The following CYB5R2 variants were observed in gnomAD, a reference collection of about 807,000 sequenced individuals.
CYB5R2 encodes cytochrome b5 reductase 2, also known as NADH-cytochrome b5 reductase 2.
CYB5R2 carries 35 observed loss-of-function variants against 29.8 expected under a neutral mutation model. The observed-to-expected ratio is 1.17, with a 90% CI of 0.90 to 1.56. The LOEUF (loss-of-function observed/expected upper bound fraction) is 1.56, where lower values mean the gene tolerates loss of function less well. Ranked by LOEUF, CYB5R2 falls within the 40% of genes most tolerant of loss-of-function variation. The pLI is 0.00. For synonymous variants in CYB5R2, 169 were observed against 130.6 expected (o/e 1.29, Z -2.01); for missense variants, 419 against 346.7 (o/e 1.21, Z -1.66).
In CYB5R2 at chr11:7,672,951, C is replaced by G; in HGVS notation, c.-66-60G>C. 3 of 1,524,710 alleles carry G rather than the reference C, an allele frequency of 2.0e-6. No individual in the cohort carries two copies. In the East Asian group the frequency reaches 7.3e-5, roughly 37 times the overall value. The allele number at this position is 1,524,710 out of a possible 1,614,324, so 94.4% of individuals were successfully genotyped here. ...CTTGCCCGCCCTGGACAGGGCAGCT[C>G]TCAGGCGCAGAACACCCTCCCCACA... On this transcript the variant is annotated intron_variant, in intron 1 of 8. Coordinates refer to ENST00000299498, the MANE Select transcript of CYB5R2 (RefSeq NM_016229.5).
At position 7,669,805 on chromosome 11, in the gene CYB5R2, T is replaced by G; in HGVS notation, c.152-74A>C. 7 of 1,095,536 alleles carry G rather than the reference T, an allele frequency of 6.4e-6. No individual in the cohort carries two copies. The South Asian group carries it at 8.9e-5, about 14-fold the overall frequency. The allele number at this position is 1,095,536 out of a possible 1,614,324, so 67.9% of individuals were successfully genotyped here. A position where few individuals can be genotyped will look rare whatever the true frequency, so the allele number is the denominator to read the frequency against. ...AAGGCCCAGGAATAAAGGACTGAGC[T>G]TCAGTGAAGGGAGCAAATACTGGGG... On this transcript the variant is annotated intron_variant, in intron 3 of 8. Coordinates refer to ENST00000299498, the MANE Select transcript of CYB5R2 (RefSeq NM_016229.5).
intron 3 of CYB5R2, chr11:7,670,904 C>G (rs1855692748): frequency 1.3e-5 from 2 of 150,526 alleles, no homozygotes; most frequent in Admixed American, 6.6e-5. Context: ...TCTACTCGCT[C>G]AGAAACTGAG....
Position 7,672,899 on chromosome 11 carries a change from A to T in CYB5R2, c.-66-8T>A. 6.2e-7 allele frequency: 1 copy of T among 1,609,406 alleles called. No homozygotes were observed. The highest frequency in any genetic ancestry group is 8.5e-7 in the Non-Finnish European group (1 of 1,177,804). ...CAGGAGCAGGGACGGGTCCTGGCAG[A>T]CACAATGTGAACAGAGCACCTCAGG... On this transcript the variant is annotated splice_region_variant and splice_polypyrimidine_tract_variant and intron_variant, in intron 1 of 8. Transcript: ENST00000299498.
At chr11:7,665,824 T>G (rs562647338) in intron 8 of CYB5R2, 1 of 1,532,962 alleles carries the variant, frequency 6.5e-7, no homozygotes, top group South Asian at 1.2e-5. Flanking sequence ...CAACGAGGTA[T>G]ACCGAGGTGT....
chr11:7,670,965 T>C (rs1855698444), intron 3 of CYB5R2: 1 of 152,294 alleles, frequency 6.6e-6, no homozygotes, highest in African/African-American at 2.4e-5. Flanking sequence ...AACAGAGAGA[T>C]GGATAGAAAC....
In CYB5R2 at chr11:7,669,347, G is replaced by T. The variant is rs1855574992; in HGVS notation, c.259-13C>A. 4.4e-6 allele frequency: 7 copies of T among 1,603,176 alleles called. No individual in the cohort carries two copies. Among genetic ancestry groups the T allele is most frequent in the Non-Finnish European group, 6.0e-6 (7 of 1,174,306 alleles). ...TTTTGAAGTAGATCTGAAAAGCAAG[G>T]CAGCACTGCTTTCACATTCCCAGAC... On this transcript the variant is annotated splice_polypyrimidine_tract_variant and intron_variant, in intron 4 of 8. Coordinates refer to ENST00000299498, the MANE Select transcript of CYB5R2 (RefSeq NM_016229.5).
intron 5 of CYB5R2, chr11:7,668,795 G>A: frequency 1.7e-6 from 1 of 598,592 alleles, no homozygotes; most frequent in Non-Finnish European, 3.0e-6. Flanking sequence ...CTTCTGTTCT[G>A]AGGAAAAAGA....
In CYB5R2 at chr11:7,665,267, T is replaced by G. The variant is rs986056950; in HGVS notation, c.*107A>C. ...AGGAGAACCAGTGTGTGCGCGAAGGTACATGGCAAGGCACTTTTGAAAACA... is the reference window on the plus strand; with the variant it reads ...AGGAGAACCAGTGTGTGCGCGAAGGGACATGGCAAGGCACTTTTGAAAACA... On this transcript the variant is annotated 3_prime_UTR_variant, in exon 9 of 9. Coordinates refer to ENST00000299498, the MANE Select transcript of CYB5R2 (RefSeq NM_016229.5). 1.0e-6 allele frequency: 1 copy of G among 1,001,402 alleles called. No homozygotes were observed. Among genetic ancestry groups the G allele is most frequent in the East Asian group, 2.7e-5 (1 of 37,028 alleles). The allele number at this position is 1,001,402 out of a possible 1,614,324, so 62.0% of individuals were successfully genotyped here.
chr11:7,672,443 C>G lies in CYB5R2; in HGVS notation c.151+8G>C, dbSNP rs762315705. Reference sequence around the variant, plus strand: ...CCCAGTCCTGGTGATGACCCAAGCCCGGCTCACCTACAGGAAGCCCTAAGA... The same window carrying G: ...CCCAGTCCTGGTGATGACCCAAGCCGGGCTCACCTACAGGAAGCCCTAAGA... On this transcript the variant is annotated splice_region_variant and intron_variant, in intron 3 of 8. Coordinates refer to ENST00000299498, the MANE Select transcript of CYB5R2 (RefSeq NM_016229.5). The G allele has an allele frequency of 6.2e-7, 1 of 1,613,734 alleles. No individual in the cohort carries two copies. The highest frequency in any genetic ancestry group is 8.5e-7 in the Non-Finnish European group (1 of 1,179,662).
Position 7,672,454 on chromosome 11 carries a change from C to T in CYB5R2, c.148G>A (p.Val50Ile), listed in dbSNP as rs1335110957. 1 of 1,614,150 alleles carries T rather than the reference C, an allele frequency of 6.2e-7. No individual in the cohort carries two copies. The highest frequency in any genetic ancestry group is 8.5e-7 in the Non-Finnish European group (1 of 1,179,986). ...PSPDHVLGLP[V>I]GNYVQLLAKI... ...TGATGACCCAAGCCCGGCTCACCTACAGGAAGCCCTAAGACATGGTCCGGC... is the reference window on the plus strand; with the variant it reads ...TGATGACCCAAGCCCGGCTCACCTATAGGAAGCCCTAAGACATGGTCCGGC... The change falls in exon 3 of 9, where the codon GTA (valine) becomes ATA (isoleucine). Residue 50 changes from valine (V) to isoleucine (I), a missense_variant. Physicochemically the swap from Val to Ile is conservative, Grantham distance 29. Transcript: ENST00000299498.
intron 8 of CYB5R2, chr11:7,665,854 T>C (rs766016947): frequency 4.6e-6 from 7 of 1,535,900 alleles, no homozygotes; most frequent in African/African-American, 1.4e-5. Flanking sequence ...TACAGCCAGC[T>C]GGAGTTGTCC....
rs1375782460 is a variant in CYB5R2, at chr11:7,669,203, AC to A, written c.388+1del. On this transcript the variant is annotated splice_donor_variant, in intron 5 of 8. Transcript: ENST00000299498. LOFTEE classifies it high-confidence loss of function. ...GAGCCCAAGTATTAACCCCTCCAGT[AC>A]CTGGCCCATGGTAAAACAAGCGTCC... The A allele has an allele frequency of 6.2e-7, 1 of 1,614,106 alleles. No homozygotes were observed. The highest frequency in any genetic ancestry group is 8.5e-7 in the Non-Finnish European group (1 of 1,179,986).
At position 7,665,165 on chromosome 11, in the gene CYB5R2, C is replaced by G. The variant is rs1855024908; in HGVS notation, c.*209G>C. The G allele has an allele frequency of 6.5e-6, 3 of 460,676 alleles. No homozygotes were observed. The highest frequency in any genetic ancestry group is 7.8e-5 in the Admixed American group (2 of 25,622). 28.5% of individuals were successfully genotyped at this position (460,676 alleles called of 1,614,324 possible). A position where few individuals can be genotyped will look rare whatever the true frequency, so the allele number is the denominator to read the frequency against. ...GAAAGATACTGAAATGGAGCTCTTT[C>G]CAGCCTCCAAGCAAGGAGGCCCCAG... On this transcript the variant is annotated 3_prime_UTR_variant, in exon 9 of 9. Transcript: ENST00000299498.
At position 7,666,482 on chromosome 11, in the gene CYB5R2, G is replaced by T. The variant is rs770399668; in HGVS notation, c.627C>A (p.Asn209Lys). The T allele has an allele frequency of 1.2e-6, 2 of 1,613,122 alleles. No individual in the cohort carries two copies. Among genetic ancestry groups the T allele is most frequent in the African/African-American group, 1.3e-5 (1 of 74,886 alleles). Residue 209 changes from asparagine (N) to lysine (K), a missense_variant, in exon 8 of 9, where the codon AAC becomes AAA. Transcript: ENST00000299498. ...EIARTHPDQF[N>K]LWYTLDRPPI... ...GAGGCCTGTCCAGGGTGTACCACAG[G>T]TTGAACTGGTCTGGGTGAGTCCTGG...
intron 8 of CYB5R2, chr11:7,666,041 G>T: frequency 1.2e-6 from 1 of 808,932 alleles, no homozygotes; most frequent in Non-Finnish European, 2.0e-6. Flanking sequence ...TGCAGCAGCT[G>T]TCTGGGGGCT....
intron 5 of CYB5R2, chr11:7,668,814 C>T (rs72851391): frequency 0.4 from 238,627 of 589,224 alleles, 54,156 homozygotes; most frequent in Non-Finnish European, 0.48. Context: ...GAGGGGCAAG[C>T]TGAAGTTAAC....
upstream of CYB5R2, chr11:7,673,999 A>T: frequency 8.7e-7 from 1 of 1,148,390 alleles, no homozygotes. Context: ...GCGCTCCATC[A>T]TGAGGCTGGC....
chr11:7,665,623 C>T (rs1428774068), intron 8 of CYB5R2, 77 bp from the exon 9 acceptor site: 14 of 1,452,556 alleles, frequency 9.6e-6, no homozygotes, highest in African/African-American at 1.4e-5. Flanking sequence ...TGCACACCCA[C>T]CCTCAGCCAG....
At position 7,667,747 on chromosome 11, in the gene CYB5R2, G is replaced by A. The variant is rs1310686907; in HGVS notation, c.539C>T (p.Ser180Phe). Residue 180 changes from serine to phenylalanine, a missense_variant, in exon 7 of 9, where the codon TCC (serine) becomes TTC (phenylalanine). Transcript: ENST00000299498. ...TKDPSDRTRM[S>F]LIFANQTEED... ...ACTGACCTGGTTGGCAAAGATGAGG[G>A]ACATCCTGGTCCTGTCACTGGGGTC... 6.2e-7 allele frequency: 1 copy of A among 1,614,172 alleles called. No homozygotes were observed. The highest frequency in any genetic ancestry group is 2.2e-5 in the East Asian group (1 of 44,890).
Sources: allele counts gnomAD v4.1 joint callset, GRCh38; gene constraint gnomAD v4.1.1; transcripts MANE v1.5; gene names NCBI Gene and HGNC (gene_info 2026-07-23, HGNC 2026-07-21).